KHK: variants seen among roughly 807,000 people sequenced by gnomAD.
KHK encodes the protein ketohexokinase, also known as fructokinase.
KHK carries 37 observed loss-of-function variants against 36.0 expected under a neutral mutation model. The observed-to-expected ratio is 1.03, with a 90% CI of 0.79 to 1.35. The LOEUF is 1.35. KHK is among the 40% of genes most tolerant of loss of function. KHK has a pLI of 0.00. For synonymous variants in KHK, 161 were observed against 162.8 expected (o/e 0.99, Z 0.08); for missense variants, 395 against 391.9 (o/e 1.01, Z -0.07).
intron 1 of KHK, among the ~76,000 whole-genome samples, chr2:27,092,115 T>C (rs1364939809): frequency 6.6e-6 from 1 of 152,244 alleles, no homozygotes; most frequent in Non-Finnish European, 1.5e-5. Flanking sequence ...GGAACTGCTG[T>C]CAGCTTGAAT....
chr2:27,096,420 GC>G (rs1670352164), intron 3 of KHK, among the ~76,000 whole-genome samples: 1 of 152,114 alleles, frequency 6.6e-6, no homozygotes, highest in South Asian at 2.1e-4. Context: ...GGAAGTGTAG[GC>G]TTGGCGCTCT....
At chr2:27,087,880 CTA>C (rs1669755802) in intron 1 of KHK, 1 of 152,452 alleles carries the variant, frequency 6.6e-6, no homozygotes, top group Non-Finnish European at 1.5e-5. Flanking sequence ...TGAGCTTCAA[CTA>C]TAGCTCAGGG....
intron 1 of KHK, among the ~76,000 whole-genome samples, chr2:27,089,468 C>T (rs541140202): frequency 6.6e-6 from 1 of 152,288 alleles, no homozygotes; most frequent in South Asian, 2.1e-4. Context: ...AAAGACTCAG[C>T]GCCTCTTTCT....
At position 27,099,229 on chromosome 2, in the gene KHK, G is replaced by T; in HGVS notation, c.598G>T (p.Gly200Trp). 6.2e-7 allele frequency: 1 copy of T among 1,614,178 alleles called. No homozygotes were observed. Among genetic ancestry groups the T allele is most frequent in the South Asian group, 1.1e-5 (1 of 91,072 alleles). The change falls in exon 6 of 8, where the codon GGG (glycine) becomes TGG (tryptophan). Residue 200 changes from glycine to tryptophan, a missense_variant. By Grantham distance (184) the Gly-to-Trp change is radical. Coordinates refer to ENST00000260598, the MANE Select transcript of KHK (RefSeq NM_006488.3). Reference sequence around the variant, plus strand: ...CAGCAAAGATGTGGCCAAGCACTTGGGGTTCCAGTCAGCAGAGGAAGCCTT... The same window carrying T: ...CAGCAAAGATGTGGCCAAGCACTTGTGGTTCCAGTCAGCAGAGGAAGCCTT... ...FVSKDVAKHL[G>W]FQSAEEALRG...
intron 2 of KHK, 32 bp from the exon 3 acceptor site, chr2:27,094,768 T>G (rs1156928573): frequency 1.9e-6 from 3 of 1,613,888 alleles, no homozygotes. Context: ...TGTGTCTCCT[T>G]GCCCTTTTCC....
chr2:27,098,899 C>A (rs1297044663), intron 5 of KHK: 1 of 386,090 alleles, frequency 2.6e-6, no homozygotes, highest in African/African-American at 2.1e-5. Context: ...ATATAAGCAT[C>A]GATAAAAATA....
rs7578864 is a variant in KHK at position 27,099,582 on chromosome 2, G to C, written c.811+5G>C. The stretch of plus-strand genomic sequence containing the variant: ...TCATCTTCAGCCTCTCCCAGGGTGA[G>C]TATGGCAGCAGGAGGGGAAAAGGAC... On this transcript the variant is annotated splice_donor_5th_base_variant and intron_variant, in intron 7 of 7. Coordinates refer to ENST00000260598, the MANE Select transcript of KHK (RefSeq NM_006488.3). 749 of 1,614,146 alleles carry C rather than the reference G, an allele frequency of 4.6e-4. 3 individuals are homozygous for C. In the African/African-American group the frequency reaches 8.9e-3, roughly 19 times the overall value.
intron 3 of KHK, among the ~76,000 whole-genome samples, 156 bp downstream of exon 3, chr2:27,095,090 G>A (rs1318617787): frequency 6.6e-6 from 1 of 152,200 alleles, no homozygotes; most frequent in East Asian, 1.9e-4. Flanking sequence ...TTTCCTAATT[G>A]CTTTCAATTA....
intron 4 of KHK, 72 bp from the exon 5 acceptor site, chr2:27,097,431 G>T (rs1670424768): frequency 1.9e-6 from 3 of 1,600,130 alleles, no homozygotes; most frequent in Non-Finnish European, 2.6e-6. Context: ...CAGAGTTTCA[G>T]CGGGGCAGGA....
At position 27,099,858 on chromosome 2, in the gene KHK, G is replaced by C. The variant is rs1380253253; in HGVS notation, c.*108G>C. On this transcript the variant is annotated 3_prime_UTR_variant, in exon 8 of 8. Coordinates refer to ENST00000260598, the MANE Select transcript of KHK (RefSeq NM_006488.3). ...AGGTTGCCCTGTTCAGGGGACAGAT[G>C]CAAGCTGTGGGGAGGACTCTGCCTG... 7.1e-6 allele frequency: 11 copies of C among 1,551,982 alleles called. No individual in the cohort carries two copies. The South Asian group carries it at 1.3e-4, about 18-fold the overall frequency.
chr2:27,093,899 A>C (rs1670159276), intron 2 of KHK, among the ~76,000 whole-genome samples: 1 of 152,162 alleles, frequency 6.6e-6, no homozygotes, highest in Admixed American at 6.5e-5. Context: ...TGGCTGCAGG[A>C]GGACAAAGCA....
Position 27,099,232 on chromosome 2 carries a change from T to C in KHK, c.601T>C (p.Phe201Leu), listed in dbSNP as rs1304124716. ...VSKDVAKHLGFQSAEEALRGL... is the reference protein window; with the variant it reads ...VSKDVAKHLGLQSAEEALRGL... ...CAAAGATGTGGCCAAGCACTTGGGG[T>C]TCCAGTCAGCAGAGGAAGCCTTGAG... The change falls in exon 6 of 8, where the codon TTC (phenylalanine) becomes CTC (leucine). Residue 201 changes from phenylalanine (F) to leucine (L), a missense_variant. Physicochemically the swap from Phe to Leu is conservative, Grantham distance 22. Coordinates refer to ENST00000260598, the MANE Select transcript of KHK (RefSeq NM_006488.3). The C allele has an allele frequency of 5.6e-6, 9 of 1,613,888 alleles. No individual in the cohort carries two copies. Among genetic ancestry groups the C allele is most frequent in the Non-Finnish European group, 7.6e-6 (9 of 1,179,956 alleles).
At position 27,099,912 on chromosome 2, in the gene KHK, C is replaced by A. The variant is rs1670702552; in HGVS notation, c.*162C>A. 6.7e-7 allele frequency: 1 copy of A among 1,497,180 alleles called. No homozygotes were observed. The highest frequency in any genetic ancestry group is 1.4e-5 in the African/African-American group (1 of 71,888). The allele number at this position is 1,497,180 out of a possible 1,614,324, so 92.7% of individuals were successfully genotyped here. ...CCTGTGTTCCCCACAGGGAGAGGCT[C>A]TGGGGGGATGGCTGGGGGATGCAGA... On this transcript the variant is annotated 3_prime_UTR_variant, in exon 8 of 8. Coordinates refer to ENST00000260598, the MANE Select transcript of KHK (RefSeq NM_006488.3).
chr2:27,087,920 A>T (rs755615259), intron 1 of KHK: 4 of 152,398 alleles, frequency 2.6e-5, no homozygotes, highest in African/African-American at 9.7e-5. Context: ...CAAACATGAG[A>T]TGCCATGGGT....
chr2:27,090,024 G>T (rs924385097), intron 1 of KHK, among the ~76,000 whole-genome samples: 1 of 152,000 alleles, frequency 6.6e-6, no homozygotes, highest in Non-Finnish European at 1.5e-5. Context: ...AACTAATTTT[G>T]TACTTTCAGT....
Position 27,094,233 on chromosome 2 carries a change from C to T in KHK, c.210-567C>T, listed in dbSNP as rs1670184635. The T allele has an allele frequency of 5.3e-6, 3 of 570,984 alleles. No homozygotes were observed. In the East Asian group the frequency reaches 9.4e-5, roughly 18 times the overall value. The allele number at this position is 570,984 out of a possible 1,614,324, so 35.4% of individuals were successfully genotyped here. A position where few individuals can be genotyped will look rare whatever the true frequency, so the allele number is the denominator to read the frequency against. On this transcript the variant is annotated intron_variant, in intron 2 of 7. Transcript: ENST00000260598. ...CTGAAAAACAGAGTCAGGATCGGAG[C>T]ATGCTTCAGCCAAGACCTAAAAGGA... is the stretch of plus-strand genomic sequence containing the variant.
intron 2 of KHK, chr2:27,094,313 G>A: frequency 1.3e-6 from 1 of 799,878 alleles, no homozygotes; most frequent in East Asian, 2.5e-5. Flanking sequence ...TGCATCTCCT[G>A]CCCTGTTGCA....
At chr2:27,099,095 G>A in intron 5 of KHK, 101 bp from the exon 6 acceptor site, 1 of 986,122 alleles carries the variant, frequency 1.0e-6, no homozygotes, top group Non-Finnish European at 1.6e-6. Flanking sequence ...GATCTATGTG[G>A]ACATGTTGGG....
At chr2:27,088,459 C>T (rs1669796035) in intron 1 of KHK, among the ~76,000 whole-genome samples, 1 of 152,114 alleles carries the variant, frequency 6.6e-6, no homozygotes, top group African/African-American at 2.4e-5. Flanking sequence ...GTTGCCCAGG[C>T]TGGAATGCAG....
Sources: gnomAD v4.1 joint callset for allele counts (sites outside exome capture counted in the v4.1 genomes callset) on GRCh38, gnomAD v4.1.1 for gene constraint, MANE v1.5 for transcripts, NCBI Gene and HGNC (gene_info 2026-07-23, HGNC 2026-07-21) for gene names.